Variants in E4F1 observed in about 807,000 individuals in gnomAD.
E4F1 encodes E4F transcription factor 1, also known as transcription factor E4F1.
Under a neutral mutation model 72.9 loss-of-function variants are expected in E4F1, and 30 were observed. The observed-to-expected ratio is 0.41, with a 90% CI of 0.31 to 0.56. The LOEUF (loss-of-function observed/expected upper bound fraction) is 0.56, where lower values mean the gene tolerates loss of function less well. Ranked by LOEUF, E4F1 falls within the 20% of genes least tolerant of loss-of-function variation. The pLI is 0.25. For missense variants in E4F1, 1,091 were observed against 1,117.5 expected, an observed-to-expected ratio of 0.98 and a Z score of 0.34; for synonymous variants, 542 against 478.2, an observed-to-expected ratio of 1.13 and a Z score of -1.74.
At chr16:2,231,802 A>C in intron 3 of E4F1, 2 of 219,828 alleles carry the variant, frequency 9.1e-6, no homozygotes, top group Admixed American at 5.2e-5. Context: ...TGGCAGGAGC[A>C]GTGGCAGCGA....
intron 1 of E4F1, among the ~76,000 whole-genome samples, chr16:2,227,822 A>G (rs1167847368): frequency 6.9e-6 from 1 of 145,098 alleles, no homozygotes; most frequent in Non-Finnish European, 1.5e-5. Flanking sequence ...CAATGTTTTA[A>G]AAACTTTTTT....
Position 2,235,118 on chromosome 16 carries a change from A to G in E4F1, c.1973A>G (p.Glu658Gly), listed in dbSNP as rs1424938262. 2 of 1,611,914 alleles carry G rather than the reference A, an allele frequency of 1.2e-6. No homozygotes were observed. The highest frequency in any genetic ancestry group is 1.7e-6 in the Non-Finnish European group (2 of 1,179,878). ...GATGCGGAGACCAGTGAGGCCACGG[A>G]GATCATCGAGGGCACCCAGACAGAG... ...ADDAETSEATEIIEGTQTEVD... is the reference protein window; with the variant it reads ...ADDAETSEATGIIEGTQTEVD... The change falls in exon 13 of 14, where the codon GAG (glutamate) becomes GGG (glycine). Residue 658 changes from glutamate to glycine, a missense_variant. Around this residue, in one of 5 missense-constraint regions of E4F1, gnomAD observed 622 missense variants for 628.0 expected, o/e 0.99. Coordinates refer to ENST00000301727, the MANE Select transcript of E4F1 (RefSeq NM_004424.5).
At chr16:2,231,800 G>T in intron 3 of E4F1, 1 of 219,752 alleles carries the variant, frequency 4.6e-6, no homozygotes, top group Non-Finnish European at 9.2e-6. Flanking sequence ...AGTGGCAGGA[G>T]CAGTGGCAGC....
rs750857483 is a variant in E4F1, at chr16:2,234,292, C to T, written c.1497C>T (p.Leu499=). Residue 499 remains leucine (L), a synonymous_variant, in exon 10 of 14, where the codon CTC becomes CTT. Coordinates refer to ENST00000301727, the MANE Select transcript of E4F1 (RefSeq NM_004424.5). ...TCCGCTGTGGCGACTGCGGGAAGCT[C>T]TACAAGACCATTGCCCATGTGCGTG... ...RRFRCGDCGK[L]YKTIAHVRGH... is the part of the protein sequence containing the mutation. 5 of 1,613,002 alleles carry T rather than the reference C, an allele frequency of 3.1e-6. No homozygotes were observed. The highest frequency in any genetic ancestry group is 2.2e-5 in the South Asian group (2 of 91,092).
chr16:2,235,309 G>C lies in E4F1; in HGVS notation c.2092G>C (p.Glu698Gln), dbSNP rs2093500771. The change falls in exon 14 of 14, where the codon GAG becomes CAG. Residue 698 changes from glutamate to glutamine, a missense_variant. This residue lies in a region of E4F1 where 622 missense variants were observed against 628.0 expected (regional missense o/e 0.99). Coordinates refer to ENST00000301727, the MANE Select transcript of E4F1 (RefSeq NM_004424.5). ...IIVQNVTMDE[E>Q]TALGPEAAAA... ...CGTGCAGAACGTCACCATGGACGAG[G>C]AGACGGCGCTGGGCCCAGAGGCGGC... 1.9e-6 allele frequency: 3 copies of C among 1,611,042 alleles called. No individual in the cohort carries two copies. Among genetic ancestry groups the C allele is most frequent in the African/African-American group, 1.3e-5 (1 of 75,072 alleles).
chr16:2,228,336 C>A, intron 1 of E4F1, 36 bp from the exon 2 acceptor site: 1 of 1,612,856 alleles, frequency 6.2e-7, no homozygotes, highest in South Asian at 1.1e-5. Context: ...CCAGCCTCCG[C>A]CTTCCCAGGC....
intron 5 of E4F1, 49 bp from the exon 6 acceptor site, chr16:2,232,707 G>T (rs1222898848): frequency 6.2e-7 from 1 of 1,610,300 alleles, no homozygotes; most frequent in Non-Finnish European, 8.5e-7. Flanking sequence ...TTGTCACCTT[G>T]TCGCCAGCCT....
At chr16:2,228,332 T>G in intron 1 of E4F1, 40 bp from the exon 2 acceptor site, 1 of 1,612,474 alleles carries the variant, frequency 6.2e-7, no homozygotes, top group Non-Finnish European at 8.5e-7. Flanking sequence ...CTGCCCAGCC[T>G]CCGCCTTCCC....
intron 7 of E4F1, 84 bp from the exon 8 acceptor site, chr16:2,233,354 G>A: frequency 1.4e-6 from 2 of 1,430,136 alleles, no homozygotes; most frequent in Middle Eastern, 2.3e-4. Context: ...GTTTGCACAA[G>A]GCTCCTGGCG....
In E4F1 at chr16:2,235,573, C is replaced by A; in HGVS notation, c.*1C>A. 1 of 1,587,198 alleles carries A rather than the reference C, an allele frequency of 6.3e-7. No individual in the cohort carries two copies. The highest frequency in any genetic ancestry group is 1.1e-5 in the South Asian group (1 of 88,234). On this transcript the variant is annotated 3_prime_UTR_variant, in exon 14 of 14. Transcript: ENST00000301727. ...GGAGGTGCAGACGGTCATCGTCTAGCATGAGGTCTGCGGGGTCCTGGCCGG... is the reference window on the plus strand; with the variant it reads ...GGAGGTGCAGACGGTCATCGTCTAGAATGAGGTCTGCGGGGTCCTGGCCGG...
chr16:2,235,486 G>C lies in E4F1; in HGVS notation c.2269G>C (p.Glu757Gln). Reference sequence around the variant, plus strand: ...GGCCACTGTGACCATGGTGTCATCAGAGGACATCGAGATCCTGGAGCATGC... The same window carrying C: ...GGCCACTGTGACCATGGTGTCATCACAGGACATCGAGATCCTGGAGCATGC... Reference protein sequence around the residue: ...EQATVTMVSSEDIEILEHAGE... With the variant: ...EQATVTMVSSQDIEILEHAGE... Residue 757 changes from glutamate (E) to glutamine (Q), a missense_variant, in exon 14 of 14, where the codon GAG becomes CAG. Glu to Gln is a conservative substitution (Grantham distance 29, BLOSUM62 2). Coordinates refer to ENST00000301727, the MANE Select transcript of E4F1 (RefSeq NM_004424.5). 1 of 1,611,618 alleles carries C rather than the reference G, an allele frequency of 6.2e-7. No homozygotes were observed. Among genetic ancestry groups the C allele is most frequent in the Non-Finnish European group, 8.5e-7 (1 of 1,179,114 alleles).
intron 1 of E4F1, among the ~76,000 whole-genome samples, chr16:2,226,665 C>G (rs1210660031): frequency 6.6e-6 from 1 of 152,224 alleles, no homozygotes; most frequent in Non-Finnish European, 1.5e-5. Context: ...TAAACAGGTA[C>G]TGTCCCTGAC....
At chr16:2,229,475 T>C in intron 2 of E4F1, 95 bp from the exon 3 acceptor site, 1 of 1,360,978 alleles carries the variant, frequency 7.3e-7, no homozygotes. Flanking sequence ...AAGTCACACC[T>C]CCACAGCTTT....
At position 2,223,742 on chromosome 16, in the gene E4F1, C is replaced by G. The variant is rs1230666018; in HGVS notation, c.129C>G (p.Leu43=). The change falls in exon 1 of 14, where the codon CTC becomes CTG. Residue 43 remains leucine, a synonymous_variant. Coordinates refer to ENST00000301727, the MANE Select transcript of E4F1 (RefSeq NM_004424.5). ...VAAALAPSGF[L]GLPAPFSEED... ...CGGCCTTGGCCCCCAGCGGCTTCCT[C>G]GGCCTCCCGGCGCCCTTCAGCGAGG... The G allele has an allele frequency of 1.3e-6, 2 of 1,533,000 alleles. No homozygotes were observed. The highest frequency in any genetic ancestry group is 2.9e-5 in the African/African-American group (2 of 70,106). The allele number at this position is 1,533,000 out of a possible 1,614,324, so 95.0% of individuals were successfully genotyped here.
intron 1 of E4F1, among the ~76,000 whole-genome samples, chr16:2,225,866 C>T (rs30986): frequency 0.33 from 49,655 of 150,244 alleles, 10,316 homozygotes; most frequent in East Asian, 0.48. Context: ...GAGGCTGAGA[C>T]GGGCGGATCC....
Position 2,235,380 on chromosome 16 carries a change from G to A in E4F1, c.2163G>A (p.Glu721=), listed in dbSNP as rs1331462309. The A allele has an allele frequency of 1.9e-6, 3 of 1,610,822 alleles. No homozygotes were observed. Among genetic ancestry groups the A allele is most frequent in the Admixed American group, 1.7e-5 (1 of 60,012 alleles). Residue 721 remains glutamate (E), a synonymous_variant, in exon 14 of 14, where the codon GAG becomes GAA. Transcript: ENST00000301727. ...ITIATPESLT[E]QVAMTLASAI... Reference sequence around the variant, plus strand: ...TCGCCACCCCCGAGAGCCTGACAGAGCAGGTGGCCATGACGCTGGCCTCGG... The same window carrying A: ...TCGCCACCCCCGAGAGCCTGACAGAACAGGTGGCCATGACGCTGGCCTCGG...
chr16:2,228,235 C>A, intron 1 of E4F1, 137 bp from the exon 2 acceptor site: 1 of 1,206,022 alleles, frequency 8.3e-7, no homozygotes. Flanking sequence ...AGTGTGTTCT[C>A]AGCAGCCTGG....
chr16:2,233,540 G>A lies in E4F1; in HGVS notation c.1159G>A (p.Gly387Arg), dbSNP rs762373026. 17 of 1,522,060 alleles carry A rather than the reference G, an allele frequency of 1.1e-5. No homozygotes were observed. In the South Asian group the frequency reaches 1.3e-4, roughly 11 times the overall value. The allele number at this position is 1,522,060 out of a possible 1,614,324, so 94.3% of individuals were successfully genotyped here. The change falls in exon 8 of 14, where the codon GGG becomes AGG. Residue 387 changes from glycine to arginine, a missense_variant. By Grantham distance (125) the Gly-to-Arg change is moderately radical. Transcript: ENST00000301727. ...NSGIVLERAA[G>R]EEGALEPAPA... ...CGGCATCGTCCTTGAGCGCGCTGCTGGGGAGGAGGGTGCCCTGGAGCCAGC... is the reference window on the plus strand; with the variant it reads ...CGGCATCGTCCTTGAGCGCGCTGCTAGGGAGGAGGGTGCCCTGGAGCCAGC...
At chr16:2,232,673 C>T (rs893264993) in intron 5 of E4F1, 83 bp from the exon 6 acceptor site, 18 of 1,604,754 alleles carry the variant, frequency 1.1e-5, no homozygotes, top group South Asian at 9.9e-5. Context: ...GGGGATGAGG[C>T]GGGGGCCCCT....
Sources: gnomAD v4.1 joint callset for allele counts (sites outside exome capture counted in the v4.1 genomes callset) on GRCh38, gnomAD v4.1.1 for gene constraint, gnomAD v4.1.1 regional missense constraint, MANE v1.5 for transcripts, NCBI Gene and HGNC (gene_info 2026-07-23, HGNC 2026-07-21) for gene names.